The following CLGN variants were observed in gnomAD, a reference collection of about 807,000 sequenced individuals.
The protein encoded by CLGN is testis tissue sperm-binding protein Li 79P.
In CLGN, 62 loss-of-function variants were observed where a neutral mutation model predicts 79.1. That is an observed-to-expected ratio of 0.78 (90% CI 0.64 to 0.97). The LOEUF is 0.97. Among genes scored for constraint, CLGN ranks in the 50% least tolerant of loss-of-function variants. The probability of loss-of-function intolerance (pLI) is 0.00; values close to 1 mark genes in which losing one functional copy is unlikely to be tolerated. For synonymous variants in CLGN, 225 were observed against 224.7 expected, an observed-to-expected ratio of 1.00 and a Z score of -0.01; for missense variants, 647 against 715.5, an observed-to-expected ratio of 0.90 and a Z score of 1.09.
At chr4:140,409,257 A>G (rs1729167899) in intron 4 of CLGN, among the ~76,000 whole-genome samples, 1 of 152,030 alleles carries the variant, frequency 6.6e-6, no homozygotes, top group Admixed American at 6.5e-5. Context: ...TTAGACCACA[A>G]AGAAGAAAAT....
rs1728980915 is a variant in CLGN at position 140,400,562 on chromosome 4, A to T, written c.502-13T>A. Reference sequence around the variant, plus strand: ...CATAAAAGTTTTCCTTCAAAGAGAGATGAGTGTTGGCATTAGTCCAGAATC... The same window carrying T: ...CATAAAAGTTTTCCTTCAAAGAGAGTTGAGTGTTGGCATTAGTCCAGAATC... On this transcript the variant is annotated splice_polypyrimidine_tract_variant and intron_variant, in intron 6 of 14. Coordinates refer to ENST00000325617, the MANE Select transcript of CLGN (RefSeq NM_004362.3). The T allele has an allele frequency of 1.3e-6, 2 of 1,548,034 alleles. No homozygotes were observed. The highest frequency in any genetic ancestry group is 1.4e-5 in the African/African-American group (1 of 72,804).
chr4:140,390,503 A>G (rs1041468030), intron 14 of CLGN, 125 bp downstream of exon 14: 4 of 529,076 alleles, frequency 7.6e-6, no homozygotes, highest in African/African-American at 5.9e-5. Context: ...AAAACAATAT[A>G]GAGGCTCTTA....
chr4:140,412,898 A>G, intron 2 of CLGN, 37 bp downstream of exon 2: 1 of 1,573,000 alleles, frequency 6.4e-7, no homozygotes, highest in Non-Finnish European at 8.7e-7. Flanking sequence ...GTACTATGTA[A>G]AGGAATAATT....
At chr4:140,389,376 T>G (rs914823180) in intron 14 of CLGN, 72 bp from the exon 15 acceptor site, 1 of 1,056,424 alleles carries the variant, frequency 9.5e-7, no homozygotes, top group African/African-American at 1.6e-5. Context: ...AAACAATATA[T>G]TTATTATTCT....
intron 6 of CLGN, among the ~76,000 whole-genome samples, chr4:140,401,466 A>G (rs919085041): frequency 1.3e-5 from 2 of 152,156 alleles, no homozygotes; most frequent in Admixed American, 6.5e-5. Flanking sequence ...AAAGTCTGAA[A>G]CAGCCTTTTA....
chr4:140,426,480 T>C (rs1353237979), intron 1 of CLGN, among the ~76,000 whole-genome samples: 1 of 152,246 alleles, frequency 6.6e-6, no homozygotes, highest in African/African-American at 2.4e-5. Flanking sequence ...TAAATGTTAC[T>C]GGAAGATCAA....
chr4:140,395,809 C>T lies in CLGN; in HGVS notation c.1149+10G>A, dbSNP rs201208789. 4,465 of 1,408,284 alleles carry T rather than the reference C, an allele frequency of 3.2e-3. 12 individuals carry two copies. The highest frequency in any genetic ancestry group is 4.0e-3 in the Non-Finnish European group (4,261 of 1,077,190). The allele number at this position is 1,408,284 out of a possible 1,614,324, so 87.2% of individuals were successfully genotyped here. On this transcript the variant is annotated intron_variant, in intron 10 of 14. Coordinates refer to ENST00000325617, the MANE Select transcript of CLGN (RefSeq NM_004362.3). ...AACTTCACTAAATAATTGGAACAAGCGGTTGTTACCTGATAGTTAGGATTA... is the reference window on the plus strand; with the variant it reads ...AACTTCACTAAATAATTGGAACAAGTGGTTGTTACCTGATAGTTAGGATTA...
chr4:140,413,799 C>T (rs1729265373), intron 1 of CLGN, among the ~76,000 whole-genome samples: 1 of 152,260 alleles, frequency 6.6e-6, no homozygotes. Context: ...CGCCATTGCC[C>T]AGGCTTGATT....
rs916893809 is a variant in CLGN at position 140,395,745 on chromosome 4, G to A, written c.1149+74C>T. On this transcript the variant is annotated intron_variant, in intron 10 of 14. Coordinates refer to ENST00000325617, the MANE Select transcript of CLGN (RefSeq NM_004362.3). The stretch of plus-strand genomic sequence containing the variant: ...ATGAAACTTCCAAAAGTTGACATAG[G>A]TAATTAGATATTTAAATAGAAAAGA... The A allele has an allele frequency of 8.9e-6, 11 of 1,235,480 alleles. No individual in the cohort carries two copies. The East Asian group carries it at 2.2e-4, about 25-fold the overall frequency. The allele number at this position is 1,235,480 out of a possible 1,614,324, so 76.5% of individuals were successfully genotyped here.
Position 140,395,918 on chromosome 4 carries a change from T to C in CLGN, c.1050A>G (p.Ala350=), listed in dbSNP as rs762682355. 9.3e-6 allele frequency: 15 copies of C among 1,604,780 alleles called. No individual in the cohort carries two copies. The highest frequency in any genetic ancestry group is 1.2e-5 in the Non-Finnish European group (14 of 1,176,872). Residue 350 remains alanine (A), a synonymous_variant, in exon 10 of 15, where the codon GCA becomes GCG. Coordinates refer to ENST00000325617, the MANE Select transcript of CLGN (RefSeq NM_004362.3). ...EWEAPQILNP[A]CRIGCGEWKP... is the part of the protein sequence containing the mutation. Reference sequence around the variant, plus strand: ...TCCACTCACCACACCCAATCCGACATGCTGGATTAAGAATCTGAGGTGCCT... The same window carrying C: ...TCCACTCACCACACCCAATCCGACACGCTGGATTAAGAATCTGAGGTGCCT...
intron 1 of CLGN, among the ~76,000 whole-genome samples, chr4:140,423,968 C>T (rs1015461961): frequency 5.9e-5 from 9 of 151,998 alleles, no homozygotes; most frequent in African/African-American, 2.2e-4. Flanking sequence ...GAAGAATTAA[C>T]TCTTGATTTC....
chr4:140,398,067 A>G (rs986054030), intron 8 of CLGN, among the ~76,000 whole-genome samples: 9 of 152,136 alleles, frequency 5.9e-5, no homozygotes, highest in African/African-American at 2.2e-4. Flanking sequence ...AACAGAAATA[A>G]TCAACTTTAC....
intron 1 of CLGN, among the ~76,000 whole-genome samples, chr4:140,425,429 G>GGGGTGTGT (rs1553946834): frequency 4.3e-5 from 5 of 116,888 alleles, no homozygotes; most frequent in African/African-American, 1.5e-4. Flanking sequence ...GAATCAATAG[G>GGGGTGTGT]GTGTGTGTGT....
intron 1 of CLGN, among the ~76,000 whole-genome samples, chr4:140,419,929 G>A (rs919085554): frequency 2.0e-5 from 3 of 152,042 alleles, no homozygotes; most frequent in Non-Finnish European, 4.4e-5. Context: ...AACTCTAAAA[G>A]CTTCATTGTT....
At chr4:140,412,183 CA>C (rs1418145796) in intron 2 of CLGN, among the ~76,000 whole-genome samples, 1 of 152,022 alleles carries the variant, frequency 6.6e-6, no homozygotes, top group African/African-American at 2.4e-5. Flanking sequence ...AACAATGAAA[CA>C]ACACATTTGC....
Position 140,406,063 on chromosome 4 carries a change from A to G in CLGN, c.298T>C (p.Leu100=), listed in dbSNP as rs760145381. ...TCACCAGGTACCTGGTTTTCTTTCA[A>G]CTCTTCAATTTCCCATCTTCCTAAA... ...IYDGRWEIEE[L]KENQVPGDRG... is the part of the protein sequence containing the mutation. The change falls in exon 5 of 15, where the codon TTG becomes CTG. Residue 100 remains leucine, a synonymous_variant. Coordinates refer to ENST00000325617, the MANE Select transcript of CLGN (RefSeq NM_004362.3). 3 of 1,611,994 alleles carry G rather than the reference A, an allele frequency of 1.9e-6. No individual in the cohort carries two copies. Among genetic ancestry groups the G allele is most frequent in the Middle Eastern group, 3.3e-4 (2 of 6,028 alleles).
chr4:140,406,210 C>A, intron 4 of CLGN, 127 bp from the exon 5 acceptor site: 1 of 812,440 alleles, frequency 1.2e-6, no homozygotes, highest in African/African-American at 1.7e-5. Context: ...AATTTTAAAT[C>A]AGGAAATATC....
rs540351097 is a variant in CLGN, at chr4:140,410,687, A to G, written c.145-61T>C. The G allele has an allele frequency of 3.3e-5, 35 of 1,051,406 alleles. No individual in the cohort carries two copies. In the South Asian group the frequency reaches 4.5e-4, roughly 14 times the overall value. 65.1% of individuals were successfully genotyped at this position (1,051,406 alleles called of 1,614,324 possible). A position where few individuals can be genotyped will look rare whatever the true frequency, so the allele number is the denominator to read the frequency against. On this transcript the variant is annotated intron_variant, in intron 2 of 14. Transcript: ENST00000325617. ...TTTTCACAAATATTTCAATTAAATAATCTTCCTAGTGAAGAACATAGTATG... is the reference window on the plus strand; with the variant it reads ...TTTTCACAAATATTTCAATTAAATAGTCTTCCTAGTGAAGAACATAGTATG...
At chr4:140,401,127 C>T (rs1461058786) in intron 6 of CLGN, among the ~76,000 whole-genome samples, 2 of 152,172 alleles carry the variant, frequency 1.3e-5, no homozygotes, top group Non-Finnish European at 2.9e-5. Flanking sequence ...TTTTTTAAAG[C>T]TCTCTGCACC....
Sources: allele counts gnomAD v4.1 joint callset (sites outside exome capture counted in the v4.1 genomes callset), GRCh38; gene constraint gnomAD v4.1.1; transcripts MANE v1.5; gene names NCBI Gene and HGNC (gene_info 2026-07-23, HGNC 2026-07-21).